CSMD1: variants seen among roughly 807,000 people sequenced by gnomAD.
The protein encoded by CSMD1 is CUB and sushi domain-containing protein 1.
A neutral mutation model predicts 417.5 loss-of-function variants in CSMD1; 213 were observed. The observed-to-expected ratio is 0.51, with a 90% confidence interval of 0.46 to 0.57. The LOEUF (loss-of-function observed/expected upper bound fraction) is 0.57, where lower values mean the gene tolerates loss of function less well. Ranked by LOEUF, CSMD1 falls within the 20% of genes least tolerant of loss-of-function variation. The pLI, the probability that CSMD1 is intolerant of heterozygous loss-of-function variation, is 0.00. For synonymous variants in CSMD1, 2,862 were observed against 1,736.8 expected, an observed-to-expected ratio of 1.65 and a Z score of -16.11; for missense variants, 6,923 against 4,529.7, an observed-to-expected ratio of 1.53 and a Z score of -15.17.
At chr8:2,942,359 C>A in intron 69 of CSMD1, 113 bp downstream of exon 69, 25 of 859,978 alleles carry the variant, frequency 2.9e-5, no homozygotes, top group East Asian at 1.4e-4. Context: ...AAAAAAAGAA[C>A]ATTGCATAGT....
At chr8:3,099,000 A>G (rs1305177477) in intron 46 of CSMD1, among the ~76,000 whole-genome samples, 2 of 151,872 alleles carry the variant, frequency 1.3e-5, no homozygotes, top group East Asian at 1.9e-4. Flanking sequence ...AACCGCCCCA[A>G]AAAGCTTCTC....
intron 13 of CSMD1, 144 bp downstream of exon 13, chr8:3,409,279 C>T: frequency 1.6e-6 from 1 of 629,800 alleles, no homozygotes; most frequent in Non-Finnish European, 2.5e-6. Context: ...CGAGAACGTC[C>T]TTGCACGTTT....
chr8:3,745,559 C>T (rs1390308620), intron 6 of CSMD1, among the ~76,000 whole-genome samples: 3 of 152,200 alleles, frequency 2.0e-5, no homozygotes, highest in African/African-American at 4.8e-5. Context: ...CCACATTCAT[C>T]TTTTGCTACG....
chr8:3,083,922 C>T (rs193030711), intron 49 of CSMD1, among the ~76,000 whole-genome samples: 95 of 151,942 alleles, frequency 6.3e-4, no homozygotes, highest in African/African-American at 2.2e-3. Flanking sequence ...CTTGGCCTCC[C>T]AAAGATGCTT....
At chr8:4,247,648 C>G (rs1192990794) in intron 3 of CSMD1, among the ~76,000 whole-genome samples, 2 of 152,116 alleles carry the variant, frequency 1.3e-5, no homozygotes, top group Non-Finnish European at 2.9e-5. Flanking sequence ...TAAGTTATCA[C>G]CATTCAACAT....
At chr8:3,577,559 A>C (rs1176602798) in intron 9 of CSMD1, among the ~76,000 whole-genome samples, 1 of 152,178 alleles carries the variant, frequency 6.6e-6, no homozygotes, top group Non-Finnish European at 1.5e-5. Context: ...TGATTTGTTC[A>C]TTTGTTTAAC....
At chr8:3,131,518 C>T (rs1817792499) in intron 41 of CSMD1, among the ~76,000 whole-genome samples, 1 of 147,408 alleles carries the variant, frequency 6.8e-6, no homozygotes, top group Admixed American at 6.8e-5. Flanking sequence ...ATTGCTCAGG[C>T]TAAAGTGCAG....
chr8:2,992,849 C>T (rs902680954), intron 54 of CSMD1, among the ~76,000 whole-genome samples: 1 of 152,136 alleles, frequency 6.6e-6, no homozygotes, highest in Non-Finnish European at 1.5e-5. Flanking sequence ...GGGATCCTCC[C>T]TTCTCAGCCT....
chr8:3,209,416 A>G (rs970755669), intron 30 of CSMD1, among the ~76,000 whole-genome samples: 1 of 152,034 alleles, frequency 6.6e-6, no homozygotes, highest in Non-Finnish European at 1.5e-5. Context: ...TCCCGGGTTC[A>G]TGCCATTCTC....
rs548737328 is a variant in CSMD1 at position 3,565,559 on chromosome 8, T to A, written c.1344+9386A>T. On this transcript the variant is annotated intron_variant, in intron 10 of 69. Coordinates refer to ENST00000635120, the MANE Select transcript of CSMD1 (RefSeq NM_033225.6). ...GTTTCTATGTTAACCTTTTAATACT[T>A]CAAATGCAAGTGAATGCCTCTTCTT... 1.3e-3 allele frequency among the ~76,000 whole-genome samples: 197 copies of A among 152,286 alleles called. 1 individual carries two copies. The highest frequency in any genetic ancestry group is 4.5e-3 in the African/African-American group (185 of 41,546).
intron 3 of CSMD1, among the ~76,000 whole-genome samples, chr8:4,277,198 C>CATATAT (rs3069751): frequency 4.2e-5 from 6 of 143,064 alleles, no homozygotes; most frequent in South Asian, 4.7e-4. Flanking sequence ...CTACAGATAA[C>CATATAT]ATATATATAT....
intron 7 of CSMD1, among the ~76,000 whole-genome samples, chr8:3,635,651 T>C (rs985426184): frequency 6.6e-5 from 10 of 151,564 alleles, no homozygotes; most frequent in Non-Finnish European, 8.8e-5. Flanking sequence ...GCCTGGCTAT[T>C]TTTTGTATTT....
chr8:4,297,201 A>C (rs940671111), intron 3 of CSMD1, among the ~76,000 whole-genome samples: 1 of 152,114 alleles, frequency 6.6e-6, no homozygotes, highest in Non-Finnish European at 1.5e-5. Flanking sequence ...GTATTTTTTT[A>C]AATCCCTGGA....
At chr8:4,317,117 G>C (rs1798978977) in intron 3 of CSMD1, among the ~76,000 whole-genome samples, 1 of 152,094 alleles carries the variant, frequency 6.6e-6, no homozygotes, top group Admixed American at 6.6e-5. Flanking sequence ...AACTGGCCAA[G>C]CACATCATCA....
chr8:4,279,648 G>A (rs551152480), intron 3 of CSMD1, among the ~76,000 whole-genome samples: 6 of 152,252 alleles, frequency 3.9e-5, no homozygotes, highest in African/African-American at 7.2e-5. Flanking sequence ...TAACTCATTC[G>A]AGTATCTTAA....
At chr8:4,237,323 C>T (rs767250032) in intron 3 of CSMD1, among the ~76,000 whole-genome samples, 15 of 152,104 alleles carry the variant, frequency 9.9e-5, no homozygotes, top group Middle Eastern at 3.4e-3. Context: ...ACTCCTTGAA[C>T]AGTAAATAAA....
intron 10 of CSMD1, among the ~76,000 whole-genome samples, chr8:3,495,791 T>C (rs1431190896): frequency 2.6e-5 from 4 of 152,198 alleles, no homozygotes; most frequent in Non-Finnish European, 5.9e-5. Context: ...TTAATGACAT[T>C]GAGCCAAAAT....
intron 3 of CSMD1, among the ~76,000 whole-genome samples, chr8:4,091,686 G>A (rs1444002806): frequency 6.6e-6 from 1 of 152,174 alleles, no homozygotes; most frequent in African/African-American, 2.4e-5. Context: ...TAAAATCTGT[G>A]AAGACTTAGG....
intron 3 of CSMD1, among the ~76,000 whole-genome samples, chr8:4,258,928 A>C (rs562412534): frequency 1.2e-4 from 18 of 152,320 alleles, no homozygotes; most frequent in African/African-American, 3.6e-4. Flanking sequence ...TATGTTATAG[A>C]CAAACTTATT....
Sources: allele counts gnomAD v4.1 joint callset (sites outside exome capture counted in the v4.1 genomes callset), GRCh38; gene constraint gnomAD v4.1.1; transcripts MANE v1.5; gene names NCBI Gene and HGNC (gene_info 2026-07-23, HGNC 2026-07-21).